STX5: variants seen among roughly 807,000 people sequenced by gnomAD.
STX5 encodes the protein syntaxin-5.
Under a neutral mutation model 42.9 loss-of-function variants are expected in STX5, and 15 were observed. That is an observed-to-expected ratio of 0.35 (90% confidence interval 0.23 to 0.54). The LOEUF (loss-of-function observed/expected upper bound fraction) is 0.54, where lower values mean the gene tolerates loss of function less well. Ranked by LOEUF, STX5 falls within the 20% of genes least tolerant of loss-of-function variation. The probability of loss-of-function intolerance (pLI) is 0.91; values close to 1 mark genes in which losing one functional copy is unlikely to be tolerated. For missense variants in STX5, 430 were observed against 455.0 expected (o/e 0.95, Z 0.50); for synonymous variants, 184 against 173.2 (o/e 1.06, Z -0.49).
At chr11:62,823,013 G>A (rs777222766) in intron 10 of STX5, among the ~76,000 whole-genome samples, 1 of 152,082 alleles carries the variant, frequency 6.6e-6, no homozygotes, top group Non-Finnish European at 1.5e-5. Context: ...TTGCTATGGT[G>A]AGACTGTCCC....
intron 10 of STX5, among the ~76,000 whole-genome samples, chr11:62,813,249 G>C (rs1257866315): frequency 6.6e-6 from 1 of 152,128 alleles, no homozygotes; most frequent in African/African-American, 2.4e-5. Context: ...ACTGCAGCCT[G>C]GGTGACAGAG....
intron 2 of STX5, among the ~76,000 whole-genome samples, chr11:62,827,926 T>C (rs1335871973): frequency 6.6e-6 from 1 of 151,532 alleles, no homozygotes; most frequent in African/African-American, 2.4e-5. Flanking sequence ...CTCCTATTGT[T>C]GCTAAGGTTA....
At chr11:62,829,898 T>TA (rs1378286456) in intron 2 of STX5, among the ~76,000 whole-genome samples, 144 of 149,136 alleles carry the variant, frequency 9.7e-4, no homozygotes, top group African/African-American at 2.9e-3. Context: ...CCATCTCTAC[T>TA]AAAAAAAAAT....
intron 5 of STX5, among the ~76,000 whole-genome samples, chr11:62,826,879 C>CAA (rs34108643): frequency 2.0e-3 from 129 of 65,602 alleles, no homozygotes; most frequent in African/African-American, 4.9e-3. Flanking sequence ...AACTCTGCCT[C>CAA]AAAAAAAAAA....
chr11:62,810,737 GA>G (rs2084608668), intron 10 of STX5, among the ~76,000 whole-genome samples: 1 of 152,228 alleles, frequency 6.6e-6, no homozygotes, highest in Admixed American at 6.5e-5. Flanking sequence ...GTGGTTTCTA[GA>G]GCAAGTGCTG....
intron 10 of STX5, chr11:62,815,879 T>C (rs2084667856): frequency 6.6e-6 from 1 of 152,092 alleles, no homozygotes; most frequent in Non-Finnish European, 1.5e-5. Flanking sequence ...TTATTCTAGT[T>C]TCAGGGGTAC....
chr11:62,824,069 T>C (rs934270234), intron 10 of STX5, 97 bp downstream of exon 10: 6 of 1,571,816 alleles, frequency 3.8e-6, no homozygotes, highest in African/African-American at 1.4e-5. Flanking sequence ...ATTCACTCTA[T>C]CTTCCAAAAG....
chr11:62,825,097 G>C lies in STX5; in HGVS notation c.618C>G (p.Ser206Arg). 6.2e-7 allele frequency: 1 copy of C among 1,613,472 alleles called. No homozygotes were observed. The highest frequency in any genetic ancestry group is 8.5e-7 in the Non-Finnish European group (1 of 1,180,012). ...VRTENLKQQR[S>R]RREQFSRAPV... is the part of the protein sequence containing the mutation. ...GTGCCCGGGAGAACTGCTCTCTCCG[G>C]CTCCTCTGCTGCTTCAGGTTCTGGG... Residue 206 changes from serine (S) to arginine (R), a missense_variant, in exon 8 of 11, where the codon AGC becomes AGG. Coordinates refer to ENST00000294179, the MANE Select transcript of STX5 (RefSeq NM_003164.5).
intron 10 of STX5, among the ~76,000 whole-genome samples, chr11:62,822,000 TAGCG>T (rs1347991770): frequency 6.6e-6 from 1 of 151,958 alleles, no homozygotes. Flanking sequence ...CACTCCAGCC[TAGCG>T]ACAGAGTGAG....
chr11:62,825,455 T>A lies in STX5; in HGVS notation c.508A>T (p.Thr170Ser). ...GAGACCACAATGGTGTTGGAGTGGG[T>A]CTGCAGGTGCCGGCCACTCTGGCTG... is the stretch of plus-strand genomic sequence containing the variant. Reference protein sequence around the residue: ...KGSQSGRHLQTHSNTIVVSLQ... With the variant: ...KGSQSGRHLQSHSNTIVVSLQ... The change falls in exon 6 of 11, where the codon ACC becomes TCC. Residue 170 changes from threonine (T) to serine (S), a missense_variant. Transcript: ENST00000294179. The A allele has an allele frequency of 1.2e-6, 2 of 1,613,978 alleles. No individual in the cohort carries two copies. The highest frequency in any genetic ancestry group is 8.5e-7 in the Non-Finnish European group (1 of 1,180,028).
intron 2 of STX5, among the ~76,000 whole-genome samples, chr11:62,829,729 T>C (rs1290702494): frequency 6.6e-6 from 1 of 151,760 alleles, no homozygotes; most frequent in Non-Finnish European, 1.5e-5. Context: ...AGAACCATTG[T>C]ACTCCAGCCT....
chr11:62,814,254 C>T (rs2084648634), intron 10 of STX5, among the ~76,000 whole-genome samples: 1 of 152,160 alleles, frequency 6.6e-6, no homozygotes, highest in African/African-American at 2.4e-5. Context: ...CAACCTCCAC[C>T]TCCTGGGTTC....
At chr11:62,831,654 C>CT (rs539642351) in intron 1 of STX5, among the ~76,000 whole-genome samples, 55 of 152,332 alleles carry the variant, frequency 3.6e-4, no homozygotes, top group African/African-American at 1.2e-3. Context: ...CCTCCAAAGA[C>CT]TGACACACTT....
chr11:62,818,245 CAAAA>C (rs71056566), intron 10 of STX5, among the ~76,000 whole-genome samples: 1 of 74,926 alleles, frequency 1.3e-5, no homozygotes, highest in African/African-American at 6.7e-5. Flanking sequence ...AACTCCATCT[CAAAA>C]AAAAAAAAAA....
At chr11:62,830,544 AT>A (rs1275336239) in intron 2 of STX5, 1 of 457,010 alleles carries the variant, frequency 2.2e-6, no homozygotes, top group East Asian at 6.9e-5. Flanking sequence ...TGAAAAACAG[AT>A]CTCAAAACAA....
rs1036745239 is a variant in STX5 at position 62,806,985 on chromosome 11, T to C, written c.*484A>G. 6.5e-6 allele frequency: 1 copy of C among 154,258 alleles called. No homozygotes were observed. The highest frequency in any genetic ancestry group is 1.5e-5 in the Non-Finnish European group (1 of 68,926). 9.6% of individuals were successfully genotyped at this position (154,258 alleles called of 1,614,324 possible). ...CACCAGCAGCCAATGTCAGGGGTTGTGCAGGCAGCTGAAGGGCTCAGGGCT... is the reference window on the plus strand; with the variant it reads ...CACCAGCAGCCAATGTCAGGGGTTGCGCAGGCAGCTGAAGGGCTCAGGGCT... On this transcript the variant is annotated 3_prime_UTR_variant, in exon 11 of 11. Transcript: ENST00000294179.
At chr11:62,827,753 A>C in intron 2 of STX5, 122 bp from the exon 3 acceptor site, 1 of 1,002,240 alleles carries the variant, frequency 1.0e-6, no homozygotes, top group South Asian at 1.5e-5. Flanking sequence ...GATGATCTAG[A>C]TTTATGAGTG....
At chr11:62,831,676 G>A (rs895887907) in intron 1 of STX5, among the ~76,000 whole-genome samples, 8 of 152,170 alleles carry the variant, frequency 5.3e-5, no homozygotes, top group Non-Finnish European at 7.4e-5. Context: ...GGTGGGCGGA[G>A]GGGGAAAACC....
intron 10 of STX5, chr11:62,808,185 G>C (rs2084574002): frequency 6.5e-6 from 1 of 154,644 alleles, no homozygotes; most frequent in African/African-American, 2.4e-5. Flanking sequence ...CAGCACTTTG[G>C]GAGGCTGAGG....
Sources: gnomAD v4.1 joint callset for allele counts (sites outside exome capture counted in the v4.1 genomes callset) on GRCh38, gnomAD v4.1.1 for gene constraint, MANE v1.5 for transcripts, NCBI Gene and HGNC (gene_info 2026-07-23, HGNC 2026-07-21) for gene names.